ZNF766: variants seen among roughly 807,000 people sequenced by gnomAD.
ZNF766 encodes zinc finger protein 766.
Under a neutral mutation model 13.2 loss-of-function variants are expected in ZNF766, and 13 were observed. The ratio of observed to expected loss-of-function variants is 0.98; its 90% CI spans 0.64 to 1.56. The LOEUF (loss-of-function observed/expected upper bound fraction) is 1.56. Among genes scored for constraint, ZNF766 ranks in the 40% most tolerant of loss-of-function variants. ZNF766 has a pLI of 0.00. For missense variants in ZNF766, 521 were observed against 552.2 expected (o/e 0.94, Z 0.57); for synonymous variants, 178 against 187.6 (o/e 0.95, Z 0.42).
At position 52,282,252 on chromosome 19, in the gene ZNF766, C is replaced by T. The variant is rs1689267946; in HGVS notation, c.145+15C>T. The T allele has an allele frequency of 1.2e-5, 19 of 1,585,292 alleles. No individual in the cohort carries two copies. Among genetic ancestry groups the T allele is most frequent in the Non-Finnish European group, 1.5e-5 (18 of 1,164,836 alleles). Reference sequence around the variant, plus strand: ...GGTCTCCCTGGGTAAGGATAATGCCCCTCCAGAAGTTGGGGTCTGCCCTTA... The same window carrying T: ...GGTCTCCCTGGGTAAGGATAATGCCTCTCCAGAAGTTGGGGTCTGCCCTTA... On this transcript the variant is annotated intron_variant, in intron 2 of 3. Coordinates refer to ENST00000439461, the MANE Select transcript of ZNF766 (RefSeq NM_001010851.3).
chr19:52,283,285 G>C lies in ZNF766; in HGVS notation c.146G>C (p.Gly49Ala). Residue 49 changes from glycine to alanine, a missense_variant and splice_region_variant, in exon 3 of 4, where the codon GGA becomes GCA. Gly to Ala is a moderately conservative substitution (Grantham distance 60, BLOSUM62 0). Transcript: ENST00000439461. ...LENYRNLVSL[G>A]ICLPDLSIIS... is the part of the protein sequence containing the mutation. ...TCTTGATTCTTTCTTTTATAAACAG[G>C]AATCTGTCTTCCTGACCTGAGTATT... 1 of 1,612,446 alleles carries C rather than the reference G, an allele frequency of 6.2e-7. No individual in the cohort carries two copies. Among genetic ancestry groups the C allele is most frequent in the Non-Finnish European group, 8.5e-7 (1 of 1,179,214 alleles).
intron 2 of ZNF766, 49 bp downstream of exon 2, chr19:52,282,286 G>C (rs372723842): frequency 2.0e-6 from 3 of 1,533,478 alleles, no homozygotes; most frequent in South Asian, 1.2e-5. Context: ...TAGTATCTCT[G>C]CATTTTCCCT....
intron 1 of ZNF766, among the ~76,000 whole-genome samples, chr19:52,273,764 G>A (rs1207408956): frequency 2.0e-5 from 3 of 152,164 alleles, no homozygotes; most frequent in South Asian, 2.1e-4. Context: ...TGTCCACTAC[G>A]TAAATCCTGG....
Position 52,283,226 on chromosome 19 carries a change from C to T in ZNF766, c.146-59C>T. ...TTTAATATCATCTCTGCTGCCTAAA[C>T]AGAGGGCTTGGATTTTGGAGACATC... On this transcript the variant is annotated intron_variant, in intron 2 of 3. Coordinates refer to ENST00000439461, the MANE Select transcript of ZNF766 (RefSeq NM_001010851.3). 2.5e-6 allele frequency: 4 copies of T among 1,568,984 alleles called. No individual in the cohort carries two copies. In the African/African-American group the frequency reaches 4.1e-5, roughly 16 times the overall value.
At position 52,282,141 on chromosome 19, in the gene ZNF766, G is replaced by C. The variant is rs375290946; in HGVS notation, c.49G>C (p.Glu17Gln). 122 of 1,604,890 alleles carry C rather than the reference G, an allele frequency of 7.6e-5. No homozygotes were observed. The African/African-American group carries it at 1.5e-3, about 20-fold the overall frequency. ...CTTGACATTCAGGGACGTGGCCATAGAATTCTCTCAGGAGGAGTGGAAATG... is the reference window on the plus strand; with the variant it reads ...CTTGACATTCAGGGACGTGGCCATACAATTCTCTCAGGAGGAGTGGAAATG... Reference protein sequence around the residue: ...GHLTFRDVAIEFSQEEWKCLD... With the variant: ...GHLTFRDVAIQFSQEEWKCLD... Residue 17 changes from glutamate to glutamine, a missense_variant, in exon 2 of 4, where the codon GAA (glutamate) becomes CAA (glutamine). Transcript: ENST00000439461.
chr19:52,288,915 G>C (rs1350474554), intron 3 of ZNF766, among the ~76,000 whole-genome samples: 1 of 151,618 alleles, frequency 6.6e-6, no homozygotes, highest in African/African-American at 2.4e-5. Context: ...GCACGATCTC[G>C]GCTCACTGCA....
intron 1 of ZNF766, chr19:52,275,563 C>T (rs1273230676): frequency 6.6e-6 from 1 of 152,202 alleles, no homozygotes; most frequent in Non-Finnish European, 1.5e-5. Context: ...TCATCACTCA[C>T]TCACTCACCC....
chr19:52,283,711 A>G (rs1274755341), intron 3 of ZNF766, among the ~76,000 whole-genome samples: 1 of 152,148 alleles, frequency 6.6e-6, no homozygotes, highest in Non-Finnish European at 1.5e-5. Flanking sequence ...ACCTGTCACC[A>G]TGTCCTTTAT....
intron 1 of ZNF766, chr19:52,281,551 A>G (rs184052783): frequency 1.6e-4 from 50 of 315,588 alleles, no homozygotes; most frequent in Non-Finnish European, 1.7e-4. Flanking sequence ...TATCACGTTA[A>G]TGAGTTAATG....
chr19:52,281,661 C>G (rs1345406224), intron 1 of ZNF766: 1 of 393,172 alleles, frequency 2.5e-6, no homozygotes, highest in East Asian at 7.3e-5. Context: ...CTTAACTTTA[C>G]TCAGTTAGGT....
intron 1 of ZNF766, chr19:52,277,268 G>A: frequency 9.2e-7 from 1 of 1,081,514 alleles, no homozygotes; most frequent in Non-Finnish European, 1.2e-6. Context: ...GACCATCCTG[G>A]CTAACACGGT....
chr19:52,282,307 T>A (rs1981568743), intron 2 of ZNF766, 70 bp downstream of exon 2: 1 of 1,500,116 alleles, frequency 6.7e-7, no homozygotes, highest in African/African-American at 1.4e-5. Flanking sequence ...TGTGTGCCTC[T>A]TGGGAGCCCC....
intron 3 of ZNF766, chr19:52,288,179 T>G (rs1981927628): frequency 3.8e-6 from 1 of 266,634 alleles, no homozygotes; most frequent in Non-Finnish European, 7.4e-6. Flanking sequence ...TGCCACCATG[T>G]CCAGCTAATT....
At chr19:52,276,072 C>T (rs1340810708) in intron 1 of ZNF766, among the ~76,000 whole-genome samples, 1 of 152,192 alleles carries the variant, frequency 6.6e-6, no homozygotes, top group Non-Finnish European at 1.5e-5. Context: ...ATAGCATGCC[C>T]TACAGGTTTT....
At chr19:52,287,073 G>C (rs906183861) in intron 3 of ZNF766, among the ~76,000 whole-genome samples, 1 of 152,032 alleles carries the variant, frequency 6.6e-6, no homozygotes, top group African/African-American at 2.4e-5. Context: ...GACCTCAGGT[G>C]ATCTGCCTGC....
At chr19:52,275,136 C>T (rs1339921352) in intron 1 of ZNF766, among the ~76,000 whole-genome samples, 1 of 152,062 alleles carries the variant, frequency 6.6e-6, no homozygotes, top group African/African-American at 2.4e-5. Flanking sequence ...CTGGGAGAAA[C>T]CATTGTTACC....
At position 52,278,408 on chromosome 19, in the gene ZNF766, CGTTT is replaced by C. The variant is rs201673460; in HGVS notation, c.19-3693_19-3690del. ...GTTCATGTCCCTTGCCCACTTTTTT[CGTTT>C]GTTTGTTTGAGATGGAATTTCGCTG... On this transcript the variant is annotated intron_variant, in intron 1 of 3. Coordinates refer to ENST00000439461, the MANE Select transcript of ZNF766 (RefSeq NM_001010851.3). Among the ~76,000 whole-genome samples, 1,016 of 151,746 alleles carry C rather than the reference CGTTT, an allele frequency of 6.7e-3. 13 individuals carry two copies. The highest frequency in any genetic ancestry group is 0.022 in the African/African-American group (902 of 41,380).
At chr19:52,284,833 C>T (rs1040990184) in intron 3 of ZNF766, 5 of 152,218 alleles carry the variant, frequency 3.3e-5, no homozygotes, top group African/African-American at 1.2e-4. Context: ...TACAGATGGA[C>T]AGCCAGATGA....
chr19:52,287,159 T>C (rs910593292), intron 3 of ZNF766, among the ~76,000 whole-genome samples: 5 of 151,840 alleles, frequency 3.3e-5, no homozygotes, highest in African/African-American at 4.8e-5. Flanking sequence ...CTTTTTTTTT[T>C]TGAGACGGAG....
Sources: allele counts gnomAD v4.1 joint callset (sites outside exome capture counted in the v4.1 genomes callset), GRCh38; gene constraint gnomAD v4.1.1; transcripts MANE v1.5; gene names NCBI Gene and HGNC (gene_info 2026-07-23, HGNC 2026-07-21).